P2RY6: variants seen among roughly 807,000 people sequenced by gnomAD.
P2RY6 encodes pyrimidinergic receptor P2Y6.
Under a neutral mutation model 16.3 loss-of-function variants are expected in P2RY6, and 19 were observed. The observed-to-expected ratio is 1.16, with a 90% CI of 0.81 to 1.71. The LOEUF is 1.71. P2RY6 is among the 40% of genes most tolerant of loss of function. The pLI, the probability that P2RY6 is intolerant of heterozygous loss-of-function variation, is 0.00. For missense variants in P2RY6, 389 were observed against 455.5 expected (o/e 0.85, Z 1.33); for synonymous variants, 184 against 201.5 (o/e 0.91, Z 0.74).
intron 1 of P2RY6, among the ~76,000 whole-genome samples, chr11:73,282,564 A>G (rs142357631): frequency 5.8e-4 from 88 of 152,136 alleles, no homozygotes; most frequent in African/African-American, 2.0e-3. Flanking sequence ...TCCACACTCC[A>G]CCAAAGAATC....
At chr11:73,273,213 C>A (rs921110211) in intron 1 of P2RY6, among the ~76,000 whole-genome samples, 20 of 152,122 alleles carry the variant, frequency 1.3e-4, no homozygotes, top group African/African-American at 4.8e-4. Flanking sequence ...TCTGCTGACA[C>A]CGACACAGAG....
chr11:73,275,313 C>A (rs919039672), intron 1 of P2RY6, among the ~76,000 whole-genome samples: 2 of 152,166 alleles, frequency 1.3e-5, no homozygotes, highest in Non-Finnish European at 2.9e-5. Context: ...TACCAGGAGG[C>A]AGATCTCAAC....
chr11:73,266,745 C>A (rs1025492216), intron 1 of P2RY6, among the ~76,000 whole-genome samples: 15 of 152,172 alleles, frequency 9.9e-5, no homozygotes, highest in Non-Finnish European at 2.1e-4. Context: ...CTAAATATAT[C>A]TCATGGTGAC....
At chr11:73,283,787 C>T (rs1189318727) in intron 1 of P2RY6, among the ~76,000 whole-genome samples, 1 of 151,922 alleles carries the variant, frequency 6.6e-6, no homozygotes, top group African/African-American at 2.4e-5. Context: ...AGCTTGATTG[C>T]GCAGGGAGGA....
At chr11:73,266,892 GAGA>G (rs1040422429) in intron 1 of P2RY6, among the ~76,000 whole-genome samples, 5 of 152,202 alleles carry the variant, frequency 3.3e-5, no homozygotes, top group Non-Finnish European at 5.9e-5. Flanking sequence ...CCCTCCTGGG[GAGA>G]AGGAGGCCTG....
intron 1 of P2RY6, among the ~76,000 whole-genome samples, chr11:73,274,556 G>A (rs1344148567): frequency 2.4e-4 from 36 of 147,720 alleles, no homozygotes; most frequent in African/African-American, 8.9e-4. Context: ...AAAAAAAAAA[G>A]AAAGAAAGAA....
At chr11:73,284,488 GC>G (rs1369189316) in intron 1 of P2RY6, among the ~76,000 whole-genome samples, 1 of 152,280 alleles carries the variant, frequency 6.6e-6, no homozygotes, top group East Asian at 1.9e-4. Context: ...GCCTAGCCCT[GC>G]CAGGCGAAGT....
Position 73,291,281 on chromosome 11 carries a change from T to G in P2RY6, c.-120-4449T>G, listed in dbSNP as rs571085248. 7.2e-5 allele frequency among the ~76,000 whole-genome samples: 11 copies of G among 152,304 alleles called. No individual in the cohort carries two copies. In the East Asian group the frequency reaches 2.1e-3, roughly 29 times the overall value. On this transcript the variant is annotated intron_variant, in intron 1 of 2. Transcript: ENST00000540124. ...TTGCAGGGACTGAGACCACTTAGGC[T>G]TCTTACCCAAGCCTTGCCCTGCCCT...
intron 1 of P2RY6, among the ~76,000 whole-genome samples, chr11:73,294,204 C>T (rs1033203135): frequency 2.6e-5 from 4 of 152,198 alleles, no homozygotes; most frequent in African/African-American, 9.6e-5. Flanking sequence ...AAATCCTCCT[C>T]AACCACCCAG....
At position 73,297,160 on chromosome 11, in the gene P2RY6, C is replaced by T; in HGVS notation, c.642C>T (p.Leu214=). Residue 214 remains leucine, a synonymous_variant, in exon 3 of 3, where the codon CTC becomes CTT. Transcript: ENST00000540124. Reference sequence around the variant, plus strand: ...CTGCCCTGCTGGCCTGCTACTGTCTCCTGGCCTGCCGCCTGTGCCGCCAGG... The same window carrying T: ...CTGCCCTGCTGGCCTGCTACTGTCTTCTGGCCTGCCGCCTGTGCCGCCAGG... ...PFAALLACYC[L]LACRLCRQDG... The T allele has an allele frequency of 6.2e-7, 1 of 1,604,682 alleles. No homozygotes were observed. Among genetic ancestry groups the T allele is most frequent in the South Asian group, 1.1e-5 (1 of 91,084 alleles).
Position 73,297,226 on chromosome 11 carries a change from G to C in P2RY6, c.708G>C (p.Lys236Asn). 2.5e-6 allele frequency: 4 copies of C among 1,603,306 alleles called. No homozygotes were observed. The highest frequency in any genetic ancestry group is 2.5e-6 in the Non-Finnish European group (3 of 1,179,458). The change falls in exon 3 of 3, where the codon AAG becomes AAC. Residue 236 changes from lysine to asparagine, a missense_variant. Physicochemically the swap from Lys to Asn is moderately conservative, Grantham distance 94. Coordinates refer to ENST00000540124, the MANE Select transcript of P2RY6 (RefSeq NM_001277204.2). Reference sequence around the variant, plus strand: ...CTGTGGCCCAGGAGCGGCGTGGCAAGGCGGCCCGCATGGCCGTGGTGGTGG... The same window carrying C: ...CTGTGGCCCAGGAGCGGCGTGGCAACGCGGCCCGCATGGCCGTGGTGGTGG... ...AEPVAQERRG[K>N]AARMAVVVAA... is the part of the protein sequence containing the mutation.
At chr11:73,296,398 G>A (rs1722071061) in intron 2 of P2RY6, 87 bp from the exon 3 acceptor site, 1 of 1,212,510 alleles carries the variant, frequency 8.2e-7, no homozygotes, top group Admixed American at 1.9e-5. Context: ...TCACTGTTCA[G>A]ACAGGGAGAT....
At chr11:73,292,070 C>A (rs1353289407) in intron 1 of P2RY6, among the ~76,000 whole-genome samples, 1 of 152,264 alleles carries the variant, frequency 6.6e-6, no homozygotes, top group Non-Finnish European at 1.5e-5. Flanking sequence ...GGTCTCCTAA[C>A]AGCTCTGAGG....
chr11:73,290,770 C>G (rs964297349), intron 1 of P2RY6, among the ~76,000 whole-genome samples: 6 of 152,248 alleles, frequency 3.9e-5, no homozygotes, highest in African/African-American at 1.4e-4. Flanking sequence ...CATGACCCCT[C>G]AGACCTGAGT....
chr11:73,266,418 G>A (rs1041907414), intron 1 of P2RY6, among the ~76,000 whole-genome samples: 5 of 152,206 alleles, frequency 3.3e-5, no homozygotes, highest in African/African-American at 4.8e-5. Context: ...GCAGGGGCAG[G>A]AGCCTGGGTT....
chr11:73,285,630 G>A (rs1321028510), intron 1 of P2RY6, among the ~76,000 whole-genome samples: 1 of 152,234 alleles, frequency 6.6e-6, no homozygotes, highest in Non-Finnish European at 1.5e-5. Flanking sequence ...GCCCTGGCAA[G>A]TAACTAAGCT....
chr11:73,297,972 C>T lies in P2RY6; in HGVS notation c.*467C>T, dbSNP rs879550467. On this transcript the variant is annotated 3_prime_UTR_variant, in exon 3 of 3. Coordinates refer to ENST00000540124, the MANE Select transcript of P2RY6 (RefSeq NM_001277204.2). Reference sequence around the variant, plus strand: ...CATTTATTTAGAAAGCCTTTACTGACACCTTGTGCTCAGGCCTGTGTTGGT... The same window carrying T: ...CATTTATTTAGAAAGCCTTTACTGATACCTTGTGCTCAGGCCTGTGTTGGT... 44 of 182,822 alleles carry T rather than the reference C, an allele frequency of 2.4e-4. 1 individual carries two copies. The highest frequency in any genetic ancestry group is 9.0e-5 in the Non-Finnish European group (7 of 78,146). 11.3% of individuals were successfully genotyped at this position (182,822 alleles called of 1,614,324 possible).
chr11:73,275,365 T>C (rs1211313370), intron 1 of P2RY6, among the ~76,000 whole-genome samples: 2 of 152,186 alleles, frequency 1.3e-5, no homozygotes, highest in Non-Finnish European at 2.9e-5. Context: ...GCCAGAGGGA[T>C]GGGAACCAGC....
chr11:73,297,803 T>G lies in P2RY6; in HGVS notation c.*298T>G. 1 of 413,724 alleles carries G rather than the reference T, an allele frequency of 2.4e-6. No individual in the cohort carries two copies. The highest frequency in any genetic ancestry group is 4.5e-6 in the Non-Finnish European group (1 of 220,872). 25.6% of individuals were successfully genotyped at this position (413,724 alleles called of 1,614,324 possible). On this transcript the variant is annotated 3_prime_UTR_variant, in exon 3 of 3. Coordinates refer to ENST00000540124, the MANE Select transcript of P2RY6 (RefSeq NM_001277204.2). Reference sequence around the variant, plus strand: ...CAAAAATACAGTGTGACGTGTACTGTCATCAAGGGGTATGCTCCATGCTTT... The same window carrying G: ...CAAAAATACAGTGTGACGTGTACTGGCATCAAGGGGTATGCTCCATGCTTT...
Sources: allele counts gnomAD v4.1 joint callset (sites outside exome capture counted in the v4.1 genomes callset), GRCh38; gene constraint gnomAD v4.1.1; transcripts MANE v1.5; gene names NCBI Gene and HGNC (gene_info 2026-07-23, HGNC 2026-07-21).